Variants in RELCH observed in about 807,000 individuals in gnomAD.
RELCH encodes the protein RAB11-binding protein RELCH.
In RELCH, 41 loss-of-function variants were observed where a neutral mutation model predicts 150.3. That is an observed-to-expected ratio of 0.27 (90% CI 0.21 to 0.35). The LOEUF is 0.35. Ranked by LOEUF, RELCH falls within the 10% of genes least tolerant of loss-of-function variation. RELCH has a pLI of 1.00. For synonymous variants in RELCH, 478 were observed against 531.8 expected (o/e 0.90, Z 1.39); for missense variants, 1,092 against 1,467.8 (o/e 0.74, Z 4.18).
chr18:62,288,946 TATTTAA>T (rs1051645113), intron 26 of RELCH, among the ~76,000 whole-genome samples: 11 of 152,240 alleles, frequency 7.2e-5, no homozygotes, highest in African/African-American at 2.4e-4. Flanking sequence ...GTGAAAATAA[TATTTAA>T]AACTTACACA....
At chr18:62,243,495 A>C (rs1464568050) in intron 10 of RELCH, among the ~76,000 whole-genome samples, 1 of 152,182 alleles carries the variant, frequency 6.6e-6, no homozygotes, top group Non-Finnish European at 1.5e-5. Context: ...AAAATGGCAG[A>C]ATAAATGTTT....
At chr18:62,267,484 ATGTGTGTGTGTGTGTGTG>A (rs36203741) in intron 19 of RELCH, among the ~76,000 whole-genome samples, 1 of 135,750 alleles carries the variant, frequency 7.4e-6, no homozygotes, top group African/African-American at 2.7e-5. Flanking sequence ...CTAGGTATAT[ATGTGTGTGTGTGTGTGTG>A]TGTGTGTGTG....
At chr18:62,251,004 C>G (rs977886543) in intron 11 of RELCH, among the ~76,000 whole-genome samples, 2 of 152,098 alleles carry the variant, frequency 1.3e-5, no homozygotes, top group African/African-American at 4.8e-5. Flanking sequence ...ACTTAAAATT[C>G]TGCATTTTAA....
intron 1 of RELCH, among the ~76,000 whole-genome samples, chr18:62,208,664 T>G (rs2039968742): frequency 6.6e-6 from 1 of 152,188 alleles, no homozygotes; most frequent in African/African-American, 2.4e-5. Context: ...CCTTCCACCC[T>G]CTACCTTCAA....
chr18:62,304,949 T>C (rs1195118886), intron 28 of RELCH, among the ~76,000 whole-genome samples: 1 of 152,266 alleles, frequency 6.6e-6, no homozygotes, highest in African/African-American at 2.4e-5. Context: ...TTTACTCATT[T>C]GTGAAAATAC....
At chr18:62,279,708 C>T in intron 22 of RELCH, 66 bp from the exon 23 acceptor site, 1 of 1,031,644 alleles carries the variant, frequency 9.7e-7, no homozygotes. Context: ...TTCCTTCTTC[C>T]CGTGGCGCAC....
At chr18:62,204,613 AC>A (rs775167307) in intron 1 of RELCH, among the ~76,000 whole-genome samples, 7 of 152,012 alleles carry the variant, frequency 4.6e-5, no homozygotes, top group Non-Finnish European at 7.4e-5. Context: ...GCCATGAGTC[AC>A]CACACCCAGC....
chr18:62,219,390 T>C (rs1490674068), intron 2 of RELCH, among the ~76,000 whole-genome samples: 1 of 148,892 alleles, frequency 6.7e-6, no homozygotes, highest in Non-Finnish European at 1.5e-5. Flanking sequence ...GCAATTGTTC[T>C]GTAATGTCTT....
chr18:62,263,452 TAA>T lies in RELCH; in HGVS notation c.2351-536_2351-535del, dbSNP rs914412831. On this transcript the variant is annotated intron_variant, in intron 16 of 28. Coordinates refer to ENST00000644646, the MANE Select transcript of RELCH (RefSeq NM_001346231.2). The stretch of plus-strand genomic sequence containing the variant: ...GACTTTTAACAGTAGCTATAAATGT[TAA>T]TGTTACTATACCTTCATTTAGGTTA... Among the ~76,000 whole-genome samples the T allele has an allele frequency of 1.4e-4, 22 of 152,130 alleles. 1 individual carries two copies. Among genetic ancestry groups the T allele is most frequent in the African/African-American group, 4.6e-4 (19 of 41,562 alleles).
Position 62,187,626 on chromosome 18 carries a change from C to G in RELCH, c.121C>G (p.Leu41Val). 2.6e-6 allele frequency: 4 copies of G among 1,537,334 alleles called. No homozygotes were observed. Among genetic ancestry groups the G allele is most frequent in the Non-Finnish European group, 3.5e-6 (4 of 1,140,334 alleles). The change falls in exon 1 of 29, where the codon CTG (leucine) becomes GTG (valine). Residue 41 changes from leucine to valine, a missense_variant. By Grantham distance (32) the Leu-to-Val change is conservative. This residue lies in a region of RELCH where 138 missense variants were observed against 124.8 expected (regional missense o/e 1.11). Transcript: ENST00000644646. ...ATEERRAVLR[L>V]GAGSGLDPGS... is the part of the protein sequence containing the mutation. ...AGAGGAACGGCGGGCAGTACTTCGG[C>G]TGGGCGCCGGAAGTGGCCTAGATCC...
chr18:62,250,388 T>G (rs948331612), intron 11 of RELCH, among the ~76,000 whole-genome samples: 2 of 152,208 alleles, frequency 1.3e-5, no homozygotes, highest in Non-Finnish European at 2.9e-5. Flanking sequence ...CTATTACAAT[T>G]ATCAAACATG....
chr18:62,214,488 A>G (rs1423660131), intron 2 of RELCH, among the ~76,000 whole-genome samples: 1 of 152,148 alleles, frequency 6.6e-6, no homozygotes, highest in African/African-American at 2.4e-5. Context: ...TACTCCTGCA[A>G]GCTGGTAGCT....
chr18:62,277,472 T>A, intron 22 of RELCH: 1 of 451,282 alleles, frequency 2.2e-6, no homozygotes, highest in South Asian at 9.2e-5. Context: ...GAATAATGGG[T>A]CATAAGATTT....
intron 1 of RELCH, among the ~76,000 whole-genome samples, chr18:62,191,885 A>T (rs895923755): frequency 1.3e-5 from 2 of 152,134 alleles, no homozygotes; most frequent in African/African-American, 4.8e-5. Flanking sequence ...TAATAGAATG[A>T]TTTACATTCC....
intron 1 of RELCH, among the ~76,000 whole-genome samples, chr18:62,198,629 GTTTTAGTCT>G (rs889214006): frequency 6.6e-6 from 1 of 152,132 alleles, no homozygotes; most frequent in African/African-American, 2.4e-5. Flanking sequence ...TGTACCATCA[GTTTTAGTCT>G]TATCCTATAG....
chr18:62,300,721 G>C (rs1172541415), intron 28 of RELCH: 1 of 152,154 alleles, frequency 6.6e-6, no homozygotes, highest in Non-Finnish European at 1.5e-5. Context: ...ATCAAATGGA[G>C]AGTACATCCC....
chr18:62,221,353 A>T, intron 4 of RELCH, 31 bp from the exon 5 acceptor site: 2 of 1,542,064 alleles, frequency 1.3e-6, no homozygotes, highest in Non-Finnish European at 1.8e-6. Context: ...AATACTTATG[A>T]TTTCCTGTTT....
At chr18:62,300,415 C>T (rs2045613461) in intron 28 of RELCH, 1 of 152,196 alleles carries the variant, frequency 6.6e-6, no homozygotes, top group Admixed American at 6.5e-5. Flanking sequence ...CCCCACCCTT[C>T]CTCTGAAGTC....
At chr18:62,228,191 GCTA>G in intron 7 of RELCH, 111 bp from the exon 8 acceptor site, 2 of 798,900 alleles carry the variant, frequency 2.5e-6, no homozygotes, top group Non-Finnish European at 4.0e-6. Flanking sequence ...CCAATCATTT[GCTA>G]CTAATACTTT....
Sources: gnomAD v4.1 joint callset for allele counts (sites outside exome capture counted in the v4.1 genomes callset) on GRCh38, gnomAD v4.1.1 for gene constraint, gnomAD v4.1.1 regional missense constraint, MANE v1.5 for transcripts, NCBI Gene and HGNC (gene_info 2026-07-23, HGNC 2026-07-21) for gene names.